The following E2F7 variants were observed in gnomAD, a reference collection of about 807,000 sequenced individuals.
E2F7 encodes the protein E2F transcription factor 7.
Under a neutral mutation model 81.1 loss-of-function variants are expected in E2F7, and 35 were observed. That is an observed-to-expected ratio of 0.43 (90% CI 0.33 to 0.57). E2F7 has a LOEUF of 0.57. E2F7 is among the 20% of genes least tolerant of loss of function. The probability of loss-of-function intolerance (pLI) is 0.04; values close to 1 mark genes in which losing one functional copy is unlikely to be tolerated. For missense variants in E2F7, 961 were observed against 1,093.7 expected (o/e 0.88, Z 1.71); for synonymous variants, 416 against 416.2 (o/e 1.00, Z 0.01).
At chr12:77,064,856 A>C (rs1298782077) in intron 1 of E2F7, among the ~76,000 whole-genome samples, 1 of 152,212 alleles carries the variant, frequency 6.6e-6, no homozygotes, top group Non-Finnish European at 1.5e-5. Flanking sequence ...AAAATCTGGG[A>C]AGAAAAAAAT....
chr12:77,056,929 C>T (rs150584760), intron 2 of E2F7, among the ~76,000 whole-genome samples: 107 of 150,994 alleles, frequency 7.1e-4, no homozygotes, highest in Non-Finnish European at 7.1e-4. Context: ...ACTCTGTTGC[C>T]CAGCCTGAGT....
At position 77,040,694 on chromosome 12, in the gene E2F7, G is replaced by T. The variant is rs552607614; in HGVS notation, c.1123+2371C>A. Among the ~76,000 whole-genome samples the T allele has an allele frequency of 1.3e-3, 193 of 152,266 alleles. 1 individual carries two copies. The highest frequency in any genetic ancestry group is 2.2e-3 in the Admixed American group (33 of 15,296). The stretch of plus-strand genomic sequence containing the variant: ...GTGGTTGTCTGGGGATGGGAGTGGG[G>T]ACCAGGAGGGAGGAATTACAAAGGG... On this transcript the variant is annotated intron_variant, in intron 7 of 12. Transcript: ENST00000322886.
intron 2 of E2F7, among the ~76,000 whole-genome samples, chr12:77,062,357 T>C (rs1193619011): frequency 6.6e-6 from 1 of 152,166 alleles, no homozygotes; most frequent in East Asian, 1.9e-4. Flanking sequence ...AATGGCAAAG[T>C]AGGAAATCAA....
chr12:77,029,851 G>A lies in E2F7; in HGVS notation c.1864C>T (p.Leu622=). Residue 622 remains leucine, a synonymous_variant, in exon 10 of 13, where the codon CTG becomes TTG. Transcript: ENST00000322886. ...CTTACCTTGGGCATGACAAGCGACA[G>A]CGGGCCGTCTTCATATTCCCTACTT... ...RQSREYEDGP[L]SLVMPKKPSD... 1 of 1,614,202 alleles carries A rather than the reference G, an allele frequency of 6.2e-7. No individual in the cohort carries two copies. Among genetic ancestry groups the A allele is most frequent in the Non-Finnish European group, 8.5e-7 (1 of 1,180,022 alleles).
rs773262960 is a variant in E2F7, at chr12:77,055,993, T to A, written c.231A>T (p.Gln77His). 5 of 1,614,214 alleles carry A rather than the reference T, an allele frequency of 3.1e-6. No homozygotes were observed. The South Asian group carries it at 5.5e-5, about 18-fold the overall frequency. The change falls in exon 3 of 13, where the codon CAA (glutamine) becomes CAT (histidine). Residue 77 changes from glutamine (Q) to histidine (H), a missense_variant. Gln to His is a conservative substitution (Grantham distance 24). Around this residue, in one of 3 missense-constraint regions of E2F7, gnomAD observed 301 missense variants for 405.0 expected, o/e 0.74. Transcript: ENST00000322886. ...ITPVKFVDRQQAEPWTPTANL... is the reference protein window; with the variant it reads ...ITPVKFVDRQHAEPWTPTANL... The stretch of plus-strand genomic sequence containing the variant: ...TAGCTGTGGGTGTCCATGGTTCCGC[T>A]TGCTGTCTGTCAACAAACTTAACTG...
intron 6 of E2F7, 112 bp from the exon 7 acceptor site, chr12:77,043,311 G>T: frequency 1.4e-6 from 2 of 1,454,422 alleles, no homozygotes; most frequent in Middle Eastern, 2.2e-4. Context: ...GTGGAAAGCA[G>T]CAGGTTGGGA....
At chr12:77,037,330 C>A (rs1050591131) in intron 7 of E2F7, among the ~76,000 whole-genome samples, 54 of 152,250 alleles carry the variant, frequency 3.5e-4, no homozygotes, top group African/African-American at 1.3e-3. Flanking sequence ...GTAGTTCACA[C>A]CCCTAATCCT....
intron 5 of E2F7, 127 bp downstream of exon 5, chr12:77,045,908 TGAG>T: frequency 8.4e-7 from 1 of 1,187,424 alleles, no homozygotes; most frequent in East Asian, 2.5e-5. Context: ...CTTTCTTCAG[TGAG>T]GAGAATAAGA....
In E2F7 at chr12:77,027,888, G is replaced by C; in HGVS notation, c.2135C>G (p.Pro712Arg). The C allele has an allele frequency of 1.2e-6, 2 of 1,614,016 alleles. No individual in the cohort carries two copies. The highest frequency in any genetic ancestry group is 3.3e-5 in the Admixed American group (2 of 59,978). ...SLLQYLCVQS[P>R]AGLNGFNVLL... is the part of the protein sequence containing the mutation. ...GACATGATGACATCCCTTACCTGCAGGAGACTGCACACAAAGATATTGTAG... is the reference window on the plus strand; with the variant it reads ...GACATGATGACATCCCTTACCTGCACGAGACTGCACACAAAGATATTGTAG... Residue 712 changes from proline to arginine, a missense_variant, in exon 11 of 13, where the codon CCT (proline) becomes CGT (arginine). This residue lies in a region of E2F7 where 587 missense variants were observed against 620.3 expected (regional missense o/e 0.95). Coordinates refer to ENST00000322886, the MANE Select transcript of E2F7 (RefSeq NM_203394.3).
intron 3 of E2F7, 73 bp downstream of exon 3, chr12:77,055,782 T>G: frequency 6.6e-7 from 1 of 1,508,818 alleles, no homozygotes; most frequent in Non-Finnish European, 8.8e-7. Context: ...AAGTTGACAG[T>G]TCTATGATTT....
chr12:77,055,053 C>T (rs949326630), intron 3 of E2F7, among the ~76,000 whole-genome samples: 1 of 152,062 alleles, frequency 6.6e-6, no homozygotes, highest in Non-Finnish European at 1.5e-5. Context: ...TTGTGAAATT[C>T]CTCTGGCTTC....
chr12:77,044,348 A>C (rs1954921544), intron 6 of E2F7: 1 of 523,576 alleles, frequency 1.9e-6, no homozygotes, highest in Admixed American at 2.4e-5. Flanking sequence ...AGCAATACTA[A>C]AGAGAAATGC....
chr12:77,027,313 G>T (rs776137644), intron 11 of E2F7, among the ~76,000 whole-genome samples: 1 of 152,112 alleles, frequency 6.6e-6, no homozygotes, highest in Non-Finnish European at 1.5e-5. Context: ...CTTACTAAGT[G>T]CCAGGTGCTA....
chr12:77,054,001 A>G (rs1381439615), intron 3 of E2F7, among the ~76,000 whole-genome samples: 1 of 152,204 alleles, frequency 6.6e-6, no homozygotes, highest in African/African-American at 2.4e-5. Context: ...TTAAAAAGGT[A>G]TAAAAAAGTC....
At chr12:77,049,611 C>T (rs1275010149) in intron 4 of E2F7, among the ~76,000 whole-genome samples, 1 of 152,164 alleles carries the variant, frequency 6.6e-6, no homozygotes, top group Non-Finnish European at 1.5e-5. Context: ...CCCTATGTGA[C>T]CCAAAGCCCA....
In E2F7 at chr12:77,030,012, C is replaced by T; in HGVS notation, c.1703G>A (p.Gly568Glu). 1 of 1,614,168 alleles carries T rather than the reference C, an allele frequency of 6.2e-7. No homozygotes were observed. Among genetic ancestry groups the T allele is most frequent in the Non-Finnish European group, 8.5e-7 (1 of 1,180,024 alleles). The change falls in exon 10 of 13, where the codon GGG becomes GAG. Residue 568 changes from glycine (G) to glutamate (E), a missense_variant. By Grantham distance (98) the Gly-to-Glu change is moderately conservative (BLOSUM62 -2). Around this residue, in one of 3 missense-constraint regions of E2F7, gnomAD observed 587 missense variants for 620.3 expected, o/e 0.95. Transcript: ENST00000322886. ...TCTGTCATCCCTCTCTGACCCTGACCCTGACGCTGGTCCCTCCTGCAGACT... is the reference window on the plus strand; with the variant it reads ...TCTGTCATCCCTCTCTGACCCTGACTCTGACGCTGGTCCCTCCTGCAGACT... ...YGSLQEGPASGSGSERDDRSS... is the reference protein window; with the variant it reads ...YGSLQEGPASESGSERDDRSS...
intron 3 of E2F7, among the ~76,000 whole-genome samples, chr12:77,054,322 G>T (rs971206499): frequency 8.0e-5 from 12 of 150,634 alleles, no homozygotes; most frequent in African/African-American, 2.4e-4. Context: ...CTGGATACAA[G>T]ATCAATACAC....
Position 77,064,543 on chromosome 12 carries a change from C to T in E2F7, c.93G>A (p.Lys31=). The change falls in exon 2 of 13, where the codon AAG becomes AAA. Residue 31 remains lysine, a splice_region_variant and synonymous_variant. Transcript: ENST00000322886. ...FAVEDGENAQ[K]ENIFVDRSRM... Reference sequence around the variant, plus strand: ...AACTAAGGTGTTTATGTTTGCTTACCTTTTGTGCATTTTCCCCATCTTCAA... The same window carrying T: ...AACTAAGGTGTTTATGTTTGCTTACTTTTTGTGCATTTTCCCCATCTTCAA... 6.2e-7 allele frequency: 1 copy of T among 1,613,834 alleles called. No homozygotes were observed. The highest frequency in any genetic ancestry group is 8.5e-7 in the Non-Finnish European group (1 of 1,179,806).
intron 12 of E2F7, among the ~76,000 whole-genome samples, chr12:77,024,753 T>C (rs1265082827): frequency 2.0e-5 from 3 of 152,346 alleles, no homozygotes; most frequent in East Asian, 1.9e-4. Flanking sequence ...CACATGGTGA[T>C]AGAAAATTCT....
Sources: allele counts gnomAD v4.1 joint callset (sites outside exome capture counted in the v4.1 genomes callset), GRCh38; gene constraint gnomAD v4.1.1; regional missense constraint gnomAD v4.1.1; transcripts MANE v1.5; gene names NCBI Gene and HGNC (gene_info 2026-07-23, HGNC 2026-07-21).